PTPRG: variants seen among roughly 807,000 people sequenced by gnomAD.
PTPRG encodes the protein protein tyrosine phosphatase receptor type G.
PTPRG carries 102 observed loss-of-function variants against 165.3 expected under a neutral mutation model. The observed-to-expected ratio is 0.62, with a 90% CI of 0.53 to 0.73. The LOEUF is 0.73. Ranked by LOEUF, PTPRG falls within the 30% of genes least tolerant of loss-of-function variation. The probability of loss-of-function intolerance (pLI) is 0.00; values close to 1 mark genes in which losing one functional copy is unlikely to be tolerated. For synonymous variants in PTPRG, 675 were observed against 669.5 expected, an observed-to-expected ratio of 1.01 and a Z score of -0.13; for missense variants, 1,866 against 1,861.4, an observed-to-expected ratio of 1.00 and a Z score of -0.05.
intron 1 of PTPRG, among the ~76,000 whole-genome samples, chr3:61,639,605 C>G (rs1166180219): frequency 6.6e-6 from 1 of 151,914 alleles, no homozygotes; most frequent in Non-Finnish European, 1.5e-5. Context: ...TTTCGTACTT[C>G]TTGTAGCAAT....
chr3:62,076,768 A>G (rs1310067549), intron 4 of PTPRG, among the ~76,000 whole-genome samples: 2 of 151,514 alleles, frequency 1.3e-5, no homozygotes, highest in Non-Finnish European at 1.5e-5. Context: ...TTTTGTAGGA[A>G]CAGGGTTTCT....
intron 2 of PTPRG, among the ~76,000 whole-genome samples, chr3:61,879,707 G>C (rs2037834037): frequency 6.6e-6 from 1 of 152,086 alleles, no homozygotes; most frequent in Admixed American, 6.6e-5. Flanking sequence ...CAATCTATAT[G>C]CCTTTTATTT....
At chr3:62,110,221 T>C (rs1702621110) in intron 5 of PTPRG, among the ~76,000 whole-genome samples, 1 of 150,568 alleles carries the variant, frequency 6.6e-6, no homozygotes, top group Non-Finnish European at 1.5e-5. Flanking sequence ...CTGCTCAAAT[T>C]ACTGACGTGG....
intron 1 of PTPRG, among the ~76,000 whole-genome samples, chr3:61,714,242 C>T (rs983914044): frequency 6.6e-6 from 1 of 152,026 alleles, no homozygotes; most frequent in African/African-American, 2.4e-5. Context: ...TGATTGTCTT[C>T]TATTATTTCT....
At chr3:62,041,973 T>C (rs1700143271) in intron 4 of PTPRG, among the ~76,000 whole-genome samples, 1 of 152,216 alleles carries the variant, frequency 6.6e-6, no homozygotes, top group Admixed American at 6.5e-5. Flanking sequence ...CCTTGTTTAA[T>C]GAATGATTAA....
chr3:61,970,193 G>A (rs753069145), intron 2 of PTPRG, among the ~76,000 whole-genome samples: 2 of 152,120 alleles, frequency 1.3e-5, no homozygotes, highest in Non-Finnish European at 2.9e-5. Flanking sequence ...CCAGAGTAGG[G>A]TACCTGGGTA....
intron 7 of PTPRG, among the ~76,000 whole-genome samples, chr3:62,162,844 G>A (rs1216299847): frequency 6.6e-6 from 1 of 152,186 alleles, no homozygotes; most frequent in Non-Finnish European, 1.5e-5. Flanking sequence ...ACACAGACCT[G>A]CTATTCTAAG....
chr3:61,777,778 T>C (rs1451384685), intron 2 of PTPRG, among the ~76,000 whole-genome samples: 2 of 152,204 alleles, frequency 1.3e-5, no homozygotes, highest in Non-Finnish European at 2.9e-5. Flanking sequence ...TTGATCTGTT[T>C]CTAGATAACG....
At chr3:61,964,948 G>C (rs973293305) in intron 2 of PTPRG, among the ~76,000 whole-genome samples, 9 of 152,068 alleles carry the variant, frequency 5.9e-5, no homozygotes, top group African/African-American at 1.9e-4. Flanking sequence ...TTTGTAGTTA[G>C]TAAAGAATCC....
intron 15 of PTPRG, among the ~76,000 whole-genome samples, chr3:62,249,261 C>T (rs1318896727): frequency 6.6e-6 from 1 of 152,064 alleles, no homozygotes; most frequent in Non-Finnish European, 1.5e-5. Context: ...TTACCAAACA[C>T]CTTGAGAGGC....
intron 12 of PTPRG, among the ~76,000 whole-genome samples, chr3:62,205,005 T>G (rs1194990689): frequency 6.6e-6 from 1 of 150,936 alleles, no homozygotes; most frequent in Non-Finnish European, 1.5e-5. Flanking sequence ...GTTATAAGAG[T>G]GCAAAAAAAA....
At chr3:62,167,933 T>C in intron 7 of PTPRG, 38 bp from the exon 8 acceptor site, 1 of 1,553,922 alleles carries the variant, frequency 6.4e-7, no homozygotes. Context: ...TTTGTGTTGT[T>C]TTTTTTTTCC....
intron 2 of PTPRG, among the ~76,000 whole-genome samples, chr3:61,817,753 A>G (rs1365016083): frequency 6.6e-6 from 1 of 152,168 alleles, no homozygotes; most frequent in Non-Finnish European, 1.5e-5. Context: ...TGGGATGTGC[A>G]TTGAAGAGTA....
intron 1 of PTPRG, among the ~76,000 whole-genome samples, chr3:61,575,339 G>C (rs1700150813): frequency 6.6e-6 from 1 of 152,146 alleles, no homozygotes; most frequent in African/African-American, 2.4e-5. Context: ...AAATGGGGTT[G>C]AGGGAATGAG....
At chr3:62,258,158 G>C (rs1030410307) in intron 16 of PTPRG, among the ~76,000 whole-genome samples, 1 of 152,038 alleles carries the variant, frequency 6.6e-6, no homozygotes, top group Non-Finnish European at 1.5e-5. Context: ...TTATGGTCTC[G>C]AGCCTTCTAA....
chr3:61,923,692 A>ATTTTTTTTTT (rs71123241), intron 2 of PTPRG, among the ~76,000 whole-genome samples: 51 of 100,844 alleles, frequency 5.1e-4, no homozygotes, highest in African/African-American at 6.7e-4. Context: ...TATTTTTTGT[A>ATTTTTTTTTT]TTTTTTTTTT....
In PTPRG at chr3:62,052,116, C is replaced by T. The variant is rs59201464; in HGVS notation, c.520-26047C>T. 9.8e-3 allele frequency among the ~76,000 whole-genome samples: 1,495 copies of T among 152,212 alleles called. 20 individuals carry two copies. Among genetic ancestry groups the T allele is most frequent in the African/African-American group, 0.034 (1,409 of 41,514 alleles). On this transcript the variant is annotated intron_variant, in intron 4 of 29. Coordinates refer to ENST00000474889, the MANE Select transcript of PTPRG (RefSeq NM_002841.4). ...TTGGTCTATGCTTTTTTGATATATG[C>T]TTTTATATATGTCTTCTCTCATTAA...
intron 5 of PTPRG, among the ~76,000 whole-genome samples, chr3:62,079,840 T>C (rs1701505223): frequency 6.6e-6 from 1 of 152,226 alleles, no homozygotes; most frequent in Non-Finnish European, 1.5e-5. Context: ...GAACAGCTAA[T>C]ACATCATGTA....
At chr3:62,204,009 T>C (rs1172430074) in intron 12 of PTPRG, 59 bp downstream of exon 12, 5 of 1,497,392 alleles carry the variant, frequency 3.3e-6, no homozygotes, top group African/African-American at 1.4e-5. Flanking sequence ...GTACCCTTTT[T>C]CAAAAAATTG....
Sources: gnomAD v4.1 joint callset for allele counts (sites outside exome capture counted in the v4.1 genomes callset) on GRCh38, gnomAD v4.1.1 for gene constraint, MANE v1.5 for transcripts, NCBI Gene and HGNC (gene_info 2026-07-23, HGNC 2026-07-21) for gene names.